The following MTUS2 variants were observed in gnomAD, a reference collection of about 807,000 sequenced individuals.
MTUS2 encodes the protein microtubule-associated tumor suppressor candidate 2.
MTUS2 carries 40 observed loss-of-function variants against 114.1 expected under a neutral mutation model. The observed-to-expected ratio is 0.35, with a 90% confidence interval of 0.27 to 0.46. The LOEUF is 0.46. Among genes scored for constraint, MTUS2 ranks in the 20% least tolerant of loss-of-function variants. MTUS2 has a pLI of 1.00. For missense variants in MTUS2, 1,679 were observed against 1,705.4 expected (o/e 0.98, Z 0.27); for synonymous variants, 688 against 672.0 (o/e 1.02, Z -0.37).
intron 4 of MTUS2, among the ~76,000 whole-genome samples, chr13:29,057,072 A>C (rs1363099090): frequency 6.6e-6 from 1 of 152,082 alleles, no homozygotes; most frequent in Non-Finnish European, 1.5e-5. Context: ...CCTAGAGGTC[A>C]TTCAGGGGTA....
intron 5 of MTUS2, among the ~76,000 whole-genome samples, chr13:29,161,986 C>T (rs183680243): frequency 1.6e-4 from 24 of 152,300 alleles, no homozygotes; most frequent in African/African-American, 5.8e-4. Flanking sequence ...TCCTTTCTCC[C>T]GAACTGTGGA....
intron 2 of MTUS2, among the ~76,000 whole-genome samples, chr13:28,913,809 A>C (rs547274594): frequency 2.7e-4 from 41 of 151,998 alleles, no homozygotes; most frequent in Admixed American, 2.7e-3. Context: ...TTATTGGTCT[A>C]TTCAGGGATT....
chr13:29,123,939 T>A (rs1891414471), intron 5 of MTUS2, among the ~76,000 whole-genome samples: 1 of 152,216 alleles, frequency 6.6e-6, no homozygotes, highest in Non-Finnish European at 1.5e-5. Context: ...GCCAGGTAAG[T>A]GGACTCTGTG....
chr13:29,144,346 G>T (rs1049886087), intron 5 of MTUS2, among the ~76,000 whole-genome samples: 4 of 151,920 alleles, frequency 2.6e-5, no homozygotes, highest in Admixed American at 6.6e-5. Context: ...TGCTCATCTG[G>T]AGGTCTGACT....
intron 4 of MTUS2, among the ~76,000 whole-genome samples, chr13:29,076,089 T>G (rs1463230247): frequency 6.6e-6 from 1 of 152,204 alleles, no homozygotes; most frequent in Non-Finnish European, 1.5e-5. Flanking sequence ...TGTTGCTCAA[T>G]TTTCTGCTAT....
chr13:29,217,152 T>C (rs1012212058), intron 5 of MTUS2, among the ~76,000 whole-genome samples: 1 of 152,266 alleles, frequency 6.6e-6, no homozygotes, highest in African/African-American at 2.4e-5. Flanking sequence ...TTATCAGTTT[T>C]GTGCCTGTGT....
intron 7 of MTUS2, among the ~76,000 whole-genome samples, chr13:29,331,942 T>C (rs1174991872): frequency 6.6e-6 from 1 of 152,126 alleles, no homozygotes; most frequent in Non-Finnish European, 1.5e-5. Context: ...TTTTTGATGT[T>C]CTATGGGGTT....
At chr13:29,192,123 A>T (rs901959565) in intron 5 of MTUS2, among the ~76,000 whole-genome samples, 1 of 152,224 alleles carries the variant, frequency 6.6e-6, no homozygotes, top group African/African-American at 2.4e-5. Context: ...AAATCATTCA[A>T]ATTAAGTAAT....
chr13:28,827,088 A>AT (rs1243034585), intron 1 of MTUS2, among the ~76,000 whole-genome samples: 6 of 152,292 alleles, frequency 3.9e-5, no homozygotes, highest in South Asian at 2.1e-4. Context: ...AGCCAAACAC[A>AT]TTTTTTTGCT....
intron 2 of MTUS2, among the ~76,000 whole-genome samples, chr13:29,020,027 A>G (rs1222107483): frequency 5.9e-5 from 9 of 152,204 alleles, no homozygotes; most frequent in Admixed American, 5.9e-4. Context: ...AGAGAGGCAG[A>G]GCTTGCCAAC....
rs192004215 is a variant in MTUS2 at position 29,022,116 on chromosome 13, G to T, written c.-242-2341G>T. Among the ~76,000 whole-genome samples, 13 of 152,288 alleles carry T rather than the reference G, an allele frequency of 8.5e-5. No homozygotes were observed. In the East Asian group the frequency reaches 2.5e-3, roughly 29 times the overall value. Reference sequence around the variant, plus strand: ...GCAAACATGGGGAAAGAAATGGAAAGATCTAGATGTTAATGTGTCTTGGGG... The same window carrying T: ...GCAAACATGGGGAAAGAAATGGAAATATCTAGATGTTAATGTGTCTTGGGG... On this transcript the variant is annotated intron_variant, in intron 2 of 15. Coordinates refer to ENST00000612955, the MANE Select transcript of MTUS2 (RefSeq NM_001033602.4).
intron 8 of MTUS2, among the ~76,000 whole-genome samples, chr13:29,429,734 A>G (rs375170108): frequency 6.6e-5 from 10 of 152,358 alleles, no homozygotes; most frequent in Middle Eastern, 3.4e-3. Flanking sequence ...GGGATTTCAC[A>G]ATTGAATTGT....
intron 2 of MTUS2, among the ~76,000 whole-genome samples, chr13:28,993,888 T>G (rs1443836152): frequency 6.6e-6 from 1 of 152,062 alleles, no homozygotes; most frequent in African/African-American, 2.4e-5. Flanking sequence ...TTTATTTTAA[T>G]GTTTATTTTT....
chr13:29,483,360 C>G (rs556034015), intron 10 of MTUS2, among the ~76,000 whole-genome samples: 34 of 152,354 alleles, frequency 2.2e-4, no homozygotes, highest in Non-Finnish European at 4.3e-4. Flanking sequence ...CGTGACAAAG[C>G]CAGCCAGAGC....
At chr13:29,395,625 G>T (rs1281203410) in intron 8 of MTUS2, among the ~76,000 whole-genome samples, 1 of 152,162 alleles carries the variant, frequency 6.6e-6, no homozygotes, top group Non-Finnish European at 1.5e-5. Context: ...GCATGGCAAG[G>T]CCAGGATTAT....
chr13:28,937,213 G>A (rs1881949046), intron 2 of MTUS2, among the ~76,000 whole-genome samples: 1 of 152,094 alleles, frequency 6.6e-6, no homozygotes, highest in East Asian at 1.9e-4. Flanking sequence ...AGCTAGGATT[G>A]TAAAATGCAC....
intron 2 of MTUS2, among the ~76,000 whole-genome samples, chr13:29,013,037 G>C (rs766751323): frequency 1.9e-4 from 29 of 152,286 alleles, no homozygotes; most frequent in African/African-American, 6.0e-4. Flanking sequence ...TAAAAGCACT[G>C]TTGCCTACTC....
rs1396943297 is a variant in MTUS2 at position 29,026,445 on chromosome 13, A to G, written c.1747A>G (p.Thr583Ala). ...TACTGATAGTGCACGCTTGTTGAAC[A>G]CGTCCCCCAAAGTGCCTGACAAGAA... is the stretch of plus-strand genomic sequence containing the variant. ...PPTDSARLLN[T>A]SPKVPDKNTC... is the part of the protein sequence containing the mutation. Residue 583 changes from threonine to alanine, a missense_variant, in exon 3 of 16, where the codon ACG becomes GCG. Thr to Ala is a moderately conservative substitution (Grantham distance 58). Transcript: ENST00000612955. 6.2e-7 allele frequency: 1 copy of G among 1,613,840 alleles called. No individual in the cohort carries two copies. The highest frequency in any genetic ancestry group is 2.2e-5 in the East Asian group (1 of 44,892).
chr13:29,497,161 C>T (rs1882602513), intron 12 of MTUS2, 77 bp from the exon 13 acceptor site: 1 of 1,314,318 alleles, frequency 7.6e-7, no homozygotes, highest in Non-Finnish European at 1.1e-6. Context: ...TGGTGGCCTG[C>T]TGATCACAGC....
Sources: allele counts gnomAD v4.1 joint callset (sites outside exome capture counted in the v4.1 genomes callset), GRCh38; gene constraint gnomAD v4.1.1; transcripts MANE v1.5; gene names NCBI Gene and HGNC (gene_info 2026-07-23, HGNC 2026-07-21).